Variants in PDGFD observed in about 807,000 individuals in gnomAD.
The protein encoded by PDGFD is platelet derived growth factor D.
Under a neutral mutation model 44.7 loss-of-function variants are expected in PDGFD, and 30 were observed. The observed-to-expected ratio is 0.67, with a 90% CI of 0.50 to 0.91. The LOEUF (loss-of-function observed/expected upper bound fraction) is 0.91, where lower values mean the gene tolerates loss of function less well. PDGFD is among the 40% of genes least tolerant of loss of function. PDGFD has a pLI of 0.00. For synonymous variants in PDGFD, 173 were observed against 168.4 expected, an observed-to-expected ratio of 1.03 and a Z score of -0.21; for missense variants, 445 against 457.8, an observed-to-expected ratio of 0.97 and a Z score of 0.25.
chr11:104,011,054 T>A (rs1859778366), intron 1 of PDGFD, among the ~76,000 whole-genome samples: 1 of 152,150 alleles, frequency 6.6e-6, no homozygotes, highest in African/African-American at 2.4e-5. Context: ...ACATTTGTTA[T>A]AGAAAAACCA....
intron 1 of PDGFD, among the ~76,000 whole-genome samples, chr11:104,051,408 T>G (rs1465279983): frequency 6.6e-6 from 1 of 152,166 alleles, no homozygotes; most frequent in African/African-American, 2.4e-5. Flanking sequence ...CTAGTGACCT[T>G]TCTAGTTGAC....
At chr11:103,943,377 G>T in intron 5 of PDGFD, 75 bp downstream of exon 5, 1 of 1,379,852 alleles carries the variant, frequency 7.2e-7, no homozygotes, top group Non-Finnish European at 1.0e-6. Context: ...CAAATACTTT[G>T]GATAAGGGAT....
chr11:104,051,852 T>A (rs1207426705), intron 1 of PDGFD, among the ~76,000 whole-genome samples: 1 of 152,204 alleles, frequency 6.6e-6, no homozygotes, highest in East Asian at 1.9e-4. Context: ...ACAATTTTTT[T>A]AATTGAGGTT....
At position 104,066,099 on chromosome 11, in the gene PDGFD, A is replaced by C. The variant is rs975935573; in HGVS notation, c.125-65844T>G. The stretch of plus-strand genomic sequence containing the variant: ...AAAGTATGTTTATTGTTGAAACATA[A>C]AGCAGCAGCAGCATCAGGGCATAGT... On this transcript the variant is annotated intron_variant, in intron 1 of 6. Coordinates refer to ENST00000393158, the MANE Select transcript of PDGFD (RefSeq NM_025208.5). 2.0e-5 allele frequency among the ~76,000 whole-genome samples: 3 copies of C among 152,314 alleles called. No individual in the cohort carries two copies. In the East Asian group the frequency reaches 5.8e-4, roughly 29 times the overall value.
At chr11:103,943,898 T>C (rs1279814443) in intron 4 of PDGFD, among the ~76,000 whole-genome samples, 6 of 148,576 alleles carry the variant, frequency 4.0e-5, no homozygotes, top group South Asian at 4.2e-4. Context: ...TTCCAGTTTA[T>C]CTTAAGTGTA....
intron 1 of PDGFD, among the ~76,000 whole-genome samples, chr11:104,103,692 A>G (rs1861431079): frequency 6.6e-6 from 1 of 151,906 alleles, no homozygotes; most frequent in South Asian, 2.1e-4. Context: ...CCATCCTAAC[A>G]TCATAGTGCA....
intron 1 of PDGFD, among the ~76,000 whole-genome samples, chr11:104,158,689 C>T (rs1256105851): frequency 2.6e-5 from 4 of 151,194 alleles, no homozygotes; most frequent in Admixed American, 6.6e-5. Flanking sequence ...AAAAATTAAC[C>T]GGTCATGGTG....
At position 104,163,987 on chromosome 11, in the gene PDGFD, A is replaced by G; in HGVS notation, c.-60T>C. ...GAAAAAGCCGGGTTCTGCTCCCGGG[A>G]CCGACGCCGCGCCGCCCTGCGCTCT... On this transcript the variant is annotated 5_prime_UTR_variant, in exon 1 of 7. Transcript: ENST00000393158. 1 of 1,471,658 alleles carries G rather than the reference A, an allele frequency of 6.8e-7. No homozygotes were observed. The highest frequency in any genetic ancestry group is 1.4e-5 in the African/African-American group (1 of 71,480). 91.2% of individuals were successfully genotyped at this position (1,471,658 alleles called of 1,614,324 possible). A position where few individuals can be genotyped will look rare whatever the true frequency, so the allele number is the denominator to read the frequency against.
intron 3 of PDGFD, among the ~76,000 whole-genome samples, chr11:103,994,526 T>C (rs1046753085): frequency 1.3e-5 from 2 of 152,242 alleles, no homozygotes; most frequent in Non-Finnish European, 2.9e-5. Flanking sequence ...TGATGTAGAA[T>C]TCACTTAGTG....
intron 1 of PDGFD, among the ~76,000 whole-genome samples, chr11:104,010,885 C>A (rs1427338927): frequency 1.3e-5 from 2 of 151,990 alleles, no homozygotes; most frequent in African/African-American, 4.8e-5. Context: ...AGATCCTTTC[C>A]ATAATACTAA....
intron 1 of PDGFD, among the ~76,000 whole-genome samples, chr11:104,053,036 C>A (rs1860565482): frequency 6.6e-6 from 1 of 152,068 alleles, no homozygotes; most frequent in Admixed American, 6.6e-5. Context: ...CCAAAGTTTT[C>A]TAATTATTCA....
intron 1 of PDGFD, among the ~76,000 whole-genome samples, chr11:104,138,019 C>T (rs1862036397): frequency 4.6e-5 from 7 of 152,098 alleles, no homozygotes; most frequent in Admixed American, 4.6e-4. Context: ...AACATACCTG[C>T]TCATCTTGTA....
At chr11:104,020,551 A>C (rs1859933928) in intron 1 of PDGFD, among the ~76,000 whole-genome samples, 1 of 152,160 alleles carries the variant, frequency 6.6e-6, no homozygotes, top group Non-Finnish European at 1.5e-5. Flanking sequence ...GTACACATTA[A>C]GGGACATAAT....
intron 1 of PDGFD, among the ~76,000 whole-genome samples, chr11:104,063,658 C>A (rs1196745528): frequency 6.6e-6 from 1 of 152,096 alleles, no homozygotes; most frequent in Non-Finnish European, 1.5e-5. Flanking sequence ...AACTTACAAT[C>A]ATGACAGAAG....
rs1857951401 is a variant in PDGFD at position 103,907,407 on chromosome 11, T to C, written c.*2287A>G. ...GGAAATGTGGATTTATTAGGGTTTG[T>C]TTTGAAATGTAATTTGTACGGCCAG... On this transcript the variant is annotated 3_prime_UTR_variant, in exon 7 of 7. Transcript: ENST00000393158. The C allele has an allele frequency of 6.6e-6, 1 of 152,220 alleles. No homozygotes were observed. The highest frequency in any genetic ancestry group is 1.5e-5 in the Non-Finnish European group (1 of 68,038). The allele number at this position is 152,220 out of a possible 1,614,324, so 9.4% of individuals were successfully genotyped here.
At chr11:104,023,121 C>A (rs554333734) in intron 1 of PDGFD, among the ~76,000 whole-genome samples, 52 of 152,164 alleles carry the variant, frequency 3.4e-4, no homozygotes, top group African/African-American at 1.2e-3. Flanking sequence ...CTTTTTATAG[C>A]TTTGTATATA....
chr11:104,116,930 C>T (rs955318890), intron 1 of PDGFD, among the ~76,000 whole-genome samples: 2 of 151,962 alleles, frequency 1.3e-5, no homozygotes, highest in African/African-American at 4.8e-5. Context: ...CTGAGGCCTC[C>T]CCAGCCATGT....
intron 1 of PDGFD, chr11:104,037,053 G>A (rs1268510360): frequency 5.6e-6 from 9 of 1,614,134 alleles, no homozygotes; most frequent in African/African-American, 4.0e-5. Context: ...TACTGCAGAA[G>A]GACAATGTGG....
At chr11:103,997,922 A>G (rs1190343811) in intron 2 of PDGFD, among the ~76,000 whole-genome samples, 1 of 151,794 alleles carries the variant, frequency 6.6e-6, no homozygotes, top group Non-Finnish European at 1.5e-5. Flanking sequence ...TACCTGCTAT[A>G]CTTCTACTTC....
Sources: allele counts gnomAD v4.1 joint callset (sites outside exome capture counted in the v4.1 genomes callset), GRCh38; gene constraint gnomAD v4.1.1; transcripts MANE v1.5; gene names NCBI Gene and HGNC (gene_info 2026-07-23, HGNC 2026-07-21).